Variants in SRCAP observed in about 807,000 individuals in gnomAD.
SRCAP encodes chromatin remodeling protein SRCAP.
Under a neutral mutation model 263.1 loss-of-function variants are expected in SRCAP, and 46 were observed. That is an observed-to-expected ratio of 0.17 (90% confidence interval 0.14 to 0.22). SRCAP has a LOEUF of 0.22. SRCAP is among the 10% of genes least tolerant of loss of function. The pLI, the probability that SRCAP is intolerant of heterozygous loss-of-function variation, is 1.00. For synonymous variants in SRCAP, 1,813 were observed against 1,662.1 expected (o/e 1.09, Z -2.21); for missense variants, 3,695 against 4,181.9 (o/e 0.88, Z 3.21).
intron 6 of SRCAP, among the ~76,000 whole-genome samples, chr16:30,708,812 C>T (rs1409703613): frequency 6.6e-6 from 1 of 152,150 alleles, no homozygotes; most frequent in African/African-American, 2.4e-5. Context: ...CTATGCCTGG[C>T]TTCACCTACC....
intron 27 of SRCAP, among the ~76,000 whole-genome samples, chr16:30,732,928 G>A (rs1429176340): frequency 1.3e-5 from 2 of 152,142 alleles, no homozygotes; most frequent in Admixed American, 1.3e-4. Context: ...TGCCTCCTGG[G>A]TTCAAGCCCG....
In SRCAP at chr16:30,738,484, C is replaced by T; in HGVS notation, c.8444C>T (p.Ser2815Phe). 6.3e-7 allele frequency: 1 copy of T among 1,598,588 alleles called. No homozygotes were observed. The highest frequency in any genetic ancestry group is 8.5e-7 in the Non-Finnish European group (1 of 1,172,148). The change falls in exon 34 of 34, where the codon TCC becomes TTC. Residue 2815 changes from serine to phenylalanine, a missense_variant. Physicochemically the swap from Ser to Phe is radical, Grantham distance 155. This residue lies in a region of SRCAP where 1,207 missense variants were observed against 1,142.9 expected (regional missense o/e 1.06). Transcript: ENST00000262518. ...GGGCCCTGTGAAGCTGCTCCTTCAT[C>T]CTCACTGCCCACTCCACCCCAGCAG... ...IGGPCEAAPS[S>F]SLPTPPQQPF... is the part of the protein sequence containing the mutation.
Position 30,737,211 on chromosome 16 carries a change from C to T in SRCAP, c.7171C>T (p.Pro2391Ser), listed in dbSNP as rs1035339109. ...TAAAAAGGCCAAAGCCCCTGAGAGG[C>T]CGGGGACTCGTGTCAGTGAGCGTCT... ...RSKKAKAPER[P>S]GTRVSERLRG... The change falls in exon 34 of 34, where the codon CCG (proline) becomes TCG (serine). Residue 2391 changes from proline (P) to serine (S), a missense_variant. By Grantham distance (74) the Pro-to-Ser change is moderately conservative. This residue lies in a region of SRCAP where 1,207 missense variants were observed against 1,142.9 expected (regional missense o/e 1.06). Coordinates refer to ENST00000262518, the MANE Select transcript of SRCAP (RefSeq NM_006662.3). The T allele has an allele frequency of 6.2e-7, 1 of 1,614,092 alleles. No individual in the cohort carries two copies. Among genetic ancestry groups the T allele is most frequent in the Non-Finnish European group, 8.5e-7 (1 of 1,180,004 alleles).
chr16:30,724,776 A>G lies in SRCAP; in HGVS notation c.5352A>G (p.Ser1784=), dbSNP rs1273709249. The G allele has an allele frequency of 1.9e-6, 3 of 1,613,494 alleles. No homozygotes were observed. The highest frequency in any genetic ancestry group is 2.5e-6 in the Non-Finnish European group (3 of 1,179,776). ...SSSASLLAPA[S]VQTLTLSPAP... is the part of the protein sequence containing the mutation. ...CTGCTTCACTCCTGGCCCCAGCTTC[A>G]GTGCAGACACTGACCTTGAGCCCTG... The change falls in exon 25 of 34, where the codon TCA becomes TCG. Residue 1784 remains serine, a synonymous_variant. Coordinates refer to ENST00000262518, the MANE Select transcript of SRCAP (RefSeq NM_006662.3).
At position 30,724,196 on chromosome 16, in the gene SRCAP, C is replaced by T. The variant is rs769281819; in HGVS notation, c.4772C>T (p.Ala1591Val). ...QALATPLAPMAAPQTAILAPS... is the reference protein window; with the variant it reads ...QALATPLAPMVAPQTAILAPS... Reference sequence around the variant, plus strand: ...CTAGCCACCCCTCTGGCTCCTATGGCGGCTCCACAGACAGCAATTCTGGCT... The same window carrying T: ...CTAGCCACCCCTCTGGCTCCTATGGTGGCTCCACAGACAGCAATTCTGGCT... The change falls in exon 25 of 34, where the codon GCG becomes GTG. Residue 1591 changes from alanine (A) to valine (V), a missense_variant. Around this residue, in one of 12 missense-constraint regions of SRCAP, gnomAD observed 1,347 missense variants for 1,304.4 expected, o/e 1.03. Transcript: ENST00000262518. The T allele has an allele frequency of 1.8e-5, 29 of 1,613,978 alleles. No individual in the cohort carries two copies. The highest frequency in any genetic ancestry group is 5.0e-5 in the Admixed American group (3 of 60,002).
Position 30,738,487 on chromosome 16 carries a change from C to A in SRCAP, c.8447C>A (p.Ser2816Ter). 6.2e-7 allele frequency: 1 copy of A among 1,602,246 alleles called. No individual in the cohort carries two copies. The highest frequency in any genetic ancestry group is 8.5e-7 in the Non-Finnish European group (1 of 1,174,108). ...CCCTGTGAAGCTGCTCCTTCATCCT[C>A]ACTGCCCACTCCACCCCAGCAGCCC... Reference protein sequence around the residue: ...GGPCEAAPSSSLPTPPQQPFI... With the variant: ...GGPCEAAPSS Residue 2816 changes from serine (S) to a stop codon, truncating the protein, a stop_gained, in exon 34 of 34, where the codon TCA becomes TAA. Transcript: ENST00000262518. LOFTEE classifies it high-confidence loss of function.
chr16:30,723,082 C>A lies in SRCAP; in HGVS notation c.4012C>A (p.Leu1338Ile), dbSNP rs549039594. 1 of 1,614,130 alleles carries A rather than the reference C, an allele frequency of 6.2e-7. No individual in the cohort carries two copies. Among genetic ancestry groups the A allele is most frequent in the Non-Finnish European group, 8.5e-7 (1 of 1,180,026 alleles). The change falls in exon 24 of 34, where the codon CTT becomes ATT. Residue 1338 changes from leucine to isoleucine, a missense_variant. Physicochemically the swap from Leu to Ile is conservative, Grantham distance 5. Coordinates refer to ENST00000262518, the MANE Select transcript of SRCAP (RefSeq NM_006662.3). ...APAPRPPSSGLPAVLNPRPTL... is the reference protein window; with the variant it reads ...APAPRPPSSGIPAVLNPRPTL... ...AGCACCCCGGCCTCCGAGCTCTGGGCTTCCAGCTGTGTTGAATCCACGCCC... is the reference window on the plus strand; with the variant it reads ...AGCACCCCGGCCTCCGAGCTCTGGGATTCCAGCTGTGTTGAATCCACGCCC...
intron 18 of SRCAP, among the ~76,000 whole-genome samples, chr16:30,717,296 TTTGTGTGGTGG>T (rs2052960428): frequency 6.6e-6 from 1 of 152,166 alleles, no homozygotes; most frequent in Non-Finnish European, 1.5e-5. Flanking sequence ...ATTTTGGGTG[TTTGTGTGGTGG>T]TTGTTGAGCT....
chr16:30,738,743 A>G lies in SRCAP; in HGVS notation c.8703A>G (p.Leu2901=), dbSNP rs61746613. 716 of 1,614,040 alleles carry G rather than the reference A, an allele frequency of 4.4e-4. 2 individuals carry two copies. In the African/African-American group the frequency reaches 8.3e-3, roughly 19 times the overall value. The stretch of plus-strand genomic sequence containing the variant: ...ACCCAGTCCCTGGGCCTGAGACCCT[A>G]ATTGTTGCAGATCCTGTCCTGGAAC... ...GADPVPGPET[L]IVADPVLEPQ... The change falls in exon 34 of 34, where the codon CTA becomes CTG. Residue 2901 remains leucine, a synonymous_variant. Transcript: ENST00000262518.
Position 30,739,136 on chromosome 16 carries a change from T to C in SRCAP, c.9096T>C (p.Val3032=). 1 of 1,614,136 alleles carries C rather than the reference T, an allele frequency of 6.2e-7. No individual in the cohort carries two copies. The highest frequency in any genetic ancestry group is 1.6e-4 in the Middle Eastern group (1 of 6,062). The change falls in exon 34 of 34, where the codon GTT becomes GTC. Residue 3032 remains valine, a synonymous_variant. Coordinates refer to ENST00000262518, the MANE Select transcript of SRCAP (RefSeq NM_006662.3). ...LPVLDRDSTS[V]LESCGLGRRR... is the part of the protein sequence containing the mutation. ...TCTTGGACCGTGACAGCACTTCTGTTCTCGAGAGCTGTGGATTGGGGAGGC... is the reference window on the plus strand; with the variant it reads ...TCTTGGACCGTGACAGCACTTCTGTCCTCGAGAGCTGTGGATTGGGGAGGC...
chr16:30,712,200 T>G (rs1426734877), intron 12 of SRCAP, 43 bp downstream of exon 12: 1 of 1,603,042 alleles, frequency 6.2e-7, no homozygotes, highest in Admixed American at 1.7e-5. Flanking sequence ...GTCTTGACTT[T>G]CTCATGTCCC....
rs769242783 is a variant in SRCAP at position 30,733,849 on chromosome 16, C to T, written c.6495-45C>T. ...ACTTTCCGTTTACTGATGGGGTTTC[C>T]TGGATATATTTGGCTGCTTACACAC... On this transcript the variant is annotated intron_variant, in intron 29 of 33. Transcript: ENST00000262518. This position sits in a 1 kb window ranked among gnomAD's most constrained non-coding sequence, Gnocchi z 5.3. 2.5e-6 allele frequency: 4 copies of T among 1,612,348 alleles called. No individual in the cohort carries two copies. Among genetic ancestry groups the T allele is most frequent in the African/African-American group, 1.3e-5 (1 of 74,800 alleles).
At chr16:30,714,688 G>A (rs2052928473) in intron 16 of SRCAP, among the ~76,000 whole-genome samples, 1 of 151,376 alleles carries the variant, frequency 6.6e-6, no homozygotes, top group African/African-American at 2.4e-5. Flanking sequence ...TTTTAGTAGA[G>A]GCGGATTTCG....
chr16:30,725,342 G>T (rs760287392), intron 25 of SRCAP: 2 of 528,654 alleles, frequency 3.8e-6, no homozygotes, highest in Non-Finnish European at 6.3e-6. Flanking sequence ...TTTTTAACCC[G>T]CACGGTAATA....
At chr16:30,731,583 A>G (rs1209952663) in intron 27 of SRCAP, among the ~76,000 whole-genome samples, 2 of 152,214 alleles carry the variant, frequency 1.3e-5, no homozygotes, top group African/African-American at 4.8e-5. Context: ...AAAGTGTTCA[A>G]GGCCGGGTGT....
chr16:30,706,255 TC>T (rs1182017508), intron 4 of SRCAP, among the ~76,000 whole-genome samples: 2 of 152,108 alleles, frequency 1.3e-5, no homozygotes, highest in Non-Finnish European at 2.9e-5. Flanking sequence ...ACCCAGGAGT[TC>T]CAGACCAGCC....
At chr16:30,711,437 T>G (rs2052889940) in intron 10 of SRCAP, 134 bp from the exon 11 acceptor site, 5 of 873,604 alleles carry the variant, frequency 5.7e-6, no homozygotes, top group Non-Finnish European at 8.6e-6. Flanking sequence ...ATGCTGAAAG[T>G]AAGCTCTTTT....
rs1417656272 is a variant in SRCAP, at chr16:30,713,507, G to A, written c.2301-12G>A. 3.1e-6 allele frequency: 5 copies of A among 1,613,912 alleles called. No individual in the cohort carries two copies. The highest frequency in any genetic ancestry group is 2.2e-5 in the East Asian group (1 of 44,882). On this transcript the variant is annotated splice_polypyrimidine_tract_variant and intron_variant, in intron 15 of 33. Coordinates refer to ENST00000262518, the MANE Select transcript of SRCAP (RefSeq NM_006662.3). ...GACCATACTCTCTCTGATTCTCTCTGTCTCTTTGCAGCCAGAGACGCCTGC... is the reference window on the plus strand; with the variant it reads ...GACCATACTCTCTCTGATTCTCTCTATCTCTTTGCAGCCAGAGACGCCTGC...
chr16:30,739,381 C>G lies in SRCAP; in HGVS notation c.9341C>G (p.Thr3114Ser), dbSNP rs760945524. 2.6e-5 allele frequency: 42 copies of G among 1,614,110 alleles called. No homozygotes were observed. Among genetic ancestry groups the G allele is most frequent in the Non-Finnish European group, 3.3e-5 (39 of 1,180,046 alleles). Residue 3114 changes from threonine (T) to serine (S), a missense_variant, in exon 34 of 34, where the codon ACC (threonine) becomes AGC (serine). By Grantham distance (58) the Thr-to-Ser change is moderately conservative. Around this residue, in one of 12 missense-constraint regions of SRCAP, gnomAD observed 1,207 missense variants for 1,142.9 expected, o/e 1.06. Transcript: ENST00000262518. ...TTGACACCACCTGTGGTCTCACTAA[C>G]CCCAAAACTGCGCTCGACCCGGCTG... ...LELTPPVVSL[T>S]PKLRSTRLRP...
Sources: gnomAD v4.1 joint callset for allele counts (sites outside exome capture counted in the v4.1 genomes callset) on GRCh38, gnomAD v4.1.1 for gene constraint, gnomAD v4.1.1 regional missense constraint, Gnocchi (gnomAD v3.1) non-coding constraint, MANE v1.5 for transcripts, NCBI Gene and HGNC (gene_info 2026-07-23, HGNC 2026-07-21) for gene names.